The following PIK3AP1 variants were observed in gnomAD, a reference collection of about 807,000 sequenced individuals.
PIK3AP1 encodes phosphoinositide-3-kinase adaptor protein 1.
A neutral mutation model predicts 88.1 loss-of-function variants in PIK3AP1; 21 were observed. That is an observed-to-expected ratio of 0.24 (90% CI 0.17 to 0.34). The LOEUF (loss-of-function observed/expected upper bound fraction) is 0.34. PIK3AP1 is among the 10% of genes least tolerant of loss of function. The pLI is 1.00. For synonymous variants in PIK3AP1, 398 were observed against 400.0 expected, an observed-to-expected ratio of 1.00 and a Z score of 0.06; for missense variants, 828 against 1,035.7, an observed-to-expected ratio of 0.80 and a Z score of 2.75.
At chr10:96,641,083 T>C in intron 8 of PIK3AP1, among the ~76,000 whole-genome samples, 1 of 132,212 alleles carries the variant, frequency 7.6e-6, no homozygotes, top group East Asian at 2.2e-4. Context: ...CTTGTGAGTG[T>C]GCCGTGTGTG....
intron 2 of PIK3AP1, among the ~76,000 whole-genome samples, chr10:96,661,217 T>G (rs560842316): frequency 1.3e-5 from 2 of 150,372 alleles, no homozygotes; most frequent in African/African-American, 4.9e-5. Context: ...GAAAACACAC[T>G]GTAGGATTCC....
intron 8 of PIK3AP1, among the ~76,000 whole-genome samples, chr10:96,638,797 G>A (rs1474568176): frequency 2.0e-5 from 3 of 152,130 alleles, no homozygotes; most frequent in Non-Finnish European, 4.4e-5. Context: ...CACAGTTTGT[G>A]GTTATATATT....
intron 11 of PIK3AP1, chr10:96,620,842 T>C: frequency 3.2e-6 from 1 of 315,432 alleles, no homozygotes; most frequent in Non-Finnish European, 6.0e-6. Context: ...TTTAACAGGC[T>C]TCATTCATTT....
At chr10:96,609,307 C>T (rs183400374) in intron 14 of PIK3AP1, among the ~76,000 whole-genome samples, 1 of 152,334 alleles carries the variant, frequency 6.6e-6, no homozygotes, top group Non-Finnish European at 1.5e-5. Context: ...TCCGGCTATT[C>T]CACATTAGCT....
At chr10:96,658,513 T>C (rs1236881751) in intron 2 of PIK3AP1, among the ~76,000 whole-genome samples, 1 of 152,174 alleles carries the variant, frequency 6.6e-6, no homozygotes, top group Non-Finnish European at 1.5e-5. Context: ...CGTATCCTAT[T>C]GCTGTAACTA....
Position 96,720,467 on chromosome 10 carries a change from C to G in PIK3AP1, c.-73G>C, listed in dbSNP as rs1347201498. On this transcript the variant is annotated 5_prime_UTR_variant, in exon 1 of 17. Coordinates refer to ENST00000339364, the MANE Select transcript of PIK3AP1 (RefSeq NM_152309.3). The surrounding 1 kb of genome is among the most constrained non-coding windows in gnomAD (Gnocchi z 4.6). ...GGGACCGGGGCCGGCGGCGTCCTGG[C>G]TCGGGCTGGAGGGGCGCCGGGCTCC... is the stretch of plus-strand genomic sequence containing the variant. 5.8e-6 allele frequency: 7 copies of G among 1,202,242 alleles called. No individual in the cohort carries two copies. Among genetic ancestry groups the G allele is most frequent in the African/African-American group, 1.6e-5 (1 of 63,182 alleles). 74.5% of individuals were successfully genotyped at this position (1,202,242 alleles called of 1,614,324 possible).
At chr10:96,597,317 TC>T (rs1471225815) in intron 16 of PIK3AP1, among the ~76,000 whole-genome samples, 2 of 134,372 alleles carry the variant, frequency 1.5e-5, no homozygotes, top group Non-Finnish European at 3.1e-5. Context: ...CTTCCTTCCT[TC>T]CTTCCTTCCT....
intron 2 of PIK3AP1, among the ~76,000 whole-genome samples, chr10:96,694,372 G>A (rs1219674160): frequency 3.9e-5 from 6 of 152,030 alleles, no homozygotes; most frequent in Non-Finnish European, 7.4e-5. Flanking sequence ...TCTCATCTAT[G>A]CCACTAACTG....
At chr10:96,629,927 A>AAAAAAAAAAAAAAAAAAAAG (rs1564961851) in intron 8 of PIK3AP1, among the ~76,000 whole-genome samples, 2 of 14,644 alleles carry the variant, frequency 1.4e-4, no homozygotes, top group Non-Finnish European at 3.5e-4. Context: ...AAAAAAAAAA[A>AAAAAAAAAAAAAAAAAAAAG]AAAAAGAAGA....
intron 16 of PIK3AP1, among the ~76,000 whole-genome samples, chr10:96,600,415 A>T (rs1276814240): frequency 6.6e-6 from 1 of 152,212 alleles, no homozygotes; most frequent in Non-Finnish European, 1.5e-5. Flanking sequence ...ATAATTTTCA[A>T]GCAACAGAGC....
intron 2 of PIK3AP1, among the ~76,000 whole-genome samples, chr10:96,700,631 G>A (rs1564988588): frequency 6.6e-6 from 1 of 152,152 alleles, no homozygotes; most frequent in Non-Finnish European, 1.5e-5. Context: ...CCTGGAGGAG[G>A]CAATTGCAGA....
intron 2 of PIK3AP1, among the ~76,000 whole-genome samples, chr10:96,674,129 T>A (rs1241693749): frequency 6.6e-6 from 1 of 152,218 alleles, no homozygotes; most frequent in Non-Finnish European, 1.5e-5. Flanking sequence ...AAATTCTGCA[T>A]AAATATAGGC....
chr10:96,681,790 T>A (rs898482016), intron 2 of PIK3AP1, among the ~76,000 whole-genome samples: 1 of 152,160 alleles, frequency 6.6e-6, no homozygotes, highest in African/African-American at 2.4e-5. Flanking sequence ...CAACTGCATC[T>A]GGAACACTTT....
chr10:96,666,374 G>T (rs1437366687), intron 2 of PIK3AP1, among the ~76,000 whole-genome samples: 3 of 152,014 alleles, frequency 2.0e-5, no homozygotes, highest in Non-Finnish European at 4.4e-5. Context: ...AGCCGAGATC[G>T]CACCATTGTA....
At chr10:96,644,136 G>A (rs11188871) in intron 8 of PIK3AP1, among the ~76,000 whole-genome samples, 58,418 of 151,970 alleles carry the variant, frequency 0.38, 12,114 homozygotes, top group Non-Finnish European at 0.47. Context: ...CCCTGGGGGC[G>A]TTTGGAAAAT....
intron 13 of PIK3AP1, among the ~76,000 whole-genome samples, chr10:96,612,982 ATTTTTTTTTTTTTTTT>A (rs3979626): frequency 4.3e-4 from 15 of 34,782 alleles, no homozygotes; most frequent in South Asian, 1.1e-3. Context: ...ATATATATAT[ATTTTTTTTTTTTTTTT>A]TTTTTTTTTT....
At chr10:96,636,772 A>C (rs551359804) in intron 8 of PIK3AP1, among the ~76,000 whole-genome samples, 33 of 152,332 alleles carry the variant, frequency 2.2e-4, no homozygotes, top group African/African-American at 7.0e-4. Flanking sequence ...AAAGCCAGCT[A>C]TAGAGTCACA....
intron 2 of PIK3AP1, among the ~76,000 whole-genome samples, chr10:96,708,323 C>T (rs1844390946): frequency 6.6e-6 from 1 of 151,942 alleles, no homozygotes; most frequent in African/African-American, 2.4e-5. Flanking sequence ...GCCTGTAATC[C>T]CAGCACTTTG....
chr10:96,634,046 A>G (rs1213244226), intron 8 of PIK3AP1, among the ~76,000 whole-genome samples: 1 of 152,030 alleles, frequency 6.6e-6, no homozygotes, highest in Non-Finnish European at 1.5e-5. Flanking sequence ...TCCCATGCCC[A>G]TTTGCCTTAC....
Sources: gnomAD v4.1 joint callset for allele counts (sites outside exome capture counted in the v4.1 genomes callset) on GRCh38, gnomAD v4.1.1 for gene constraint, Gnocchi (gnomAD v3.1) non-coding constraint, MANE v1.5 for transcripts, NCBI Gene and HGNC (gene_info 2026-07-23, HGNC 2026-07-21) for gene names.